The following RBP5 variants were observed in gnomAD, a reference collection of about 807,000 sequenced individuals.
RBP5 encodes the protein retinol-binding protein 5.
A neutral mutation model predicts 17.8 loss-of-function variants in RBP5; 12 were observed. The observed-to-expected ratio is 0.67, with a 90% CI of 0.43 to 1.09. The LOEUF (loss-of-function observed/expected upper bound fraction) is 1.09. RBP5 is among the 50% of genes least tolerant of loss of function. The probability of loss-of-function intolerance (pLI) is 0.00; values close to 1 mark genes in which losing one functional copy is unlikely to be tolerated. For synonymous variants in RBP5, 64 were observed against 68.1 expected, an observed-to-expected ratio of 0.94 and a Z score of 0.30; for missense variants, 172 against 169.4, an observed-to-expected ratio of 1.02 and a Z score of -0.09.
rs35155124 is a variant in RBP5 at position 7,126,988 on chromosome 12, ATTTTTT to A, written c.252+1246_252+1251del. Reference sequence around the variant, plus strand: ...GCCCGGCTAATTTTTGTACTTTTGTATTTTTTTTTTTTTTTTTTTTTGAGATAGAAT... The same window carrying A: ...GCCCGGCTAATTTTTGTACTTTTGTATTTTTTTTTTTTTTTGAGATAGAAT... On this transcript the variant is annotated intron_variant, in intron 2 of 3. Transcript: ENST00000266560. 4.6e-3 allele frequency among the ~76,000 whole-genome samples: 400 copies of A among 86,530 alleles called. 3 individuals are homozygous for A. Among genetic ancestry groups the A allele is most frequent in the African/African-American group, 0.016 (345 of 21,866 alleles). The allele number at this position is 86,530 out of a possible 152,430, so 56.8% of individuals were successfully genotyped here. A position where few individuals can be genotyped will look rare whatever the true frequency, so the allele number is the denominator to read the frequency against.
downstream of RBP5, among the ~76,000 whole-genome samples, chr12:7,121,292 C>G (rs981205492): frequency 2.0e-5 from 3 of 152,130 alleles, no homozygotes; most frequent in South Asian, 2.1e-4. Flanking sequence ...ACCAAAATGG[C>G]CATGCCTCTG....
At chr12:7,126,510 G>GGTGGTGTGTGTGTGT (rs751535528) in intron 2 of RBP5, among the ~76,000 whole-genome samples, 13 of 131,118 alleles carry the variant, frequency 9.9e-5, no homozygotes, top group African/African-American at 2.8e-4. Flanking sequence ...TGGTGGTGGT[G>GGTGGTGTGTGTGTGT]GTGTGTGTGT....
Position 7,126,558 on chromosome 12 carries a change from T to C in RBP5, c.252+1682A>G, listed in dbSNP as rs1014239255. Among the ~76,000 whole-genome samples, 5 of 144,934 alleles carry C rather than the reference T, an allele frequency of 3.4e-5. No homozygotes were observed. The East Asian group carries it at 6.0e-4, about 17-fold the overall frequency. On this transcript the variant is annotated intron_variant, in intron 2 of 3. Coordinates refer to ENST00000266560, the MANE Select transcript of RBP5 (RefSeq NM_031491.4). ...GTGTGTGTGTGTGTGTGTGTGTGTGTGCTGGGAGCCTAGAGGTAAGGAAAC... is the reference window on the plus strand; with the variant it reads ...GTGTGTGTGTGTGTGTGTGTGTGTGCGCTGGGAGCCTAGAGGTAAGGAAAC...
intron 2 of RBP5, among the ~76,000 whole-genome samples, chr12:7,126,069 CA>C (rs34064255): frequency 2.0e-4 from 28 of 139,968 alleles, no homozygotes; most frequent in Admixed American, 2.1e-4. Context: ...CCACCTCTAC[CA>C]AAAAAAAAAA....
At chr12:7,118,782 G>A (rs769101766), downstream of RBP5, 1 of 152,226 alleles carries the variant, frequency 6.6e-6, no homozygotes, top group Non-Finnish European at 1.5e-5. Flanking sequence ...AAGGCGATGG[G>A]ATATGCTCGC....
At chr12:7,115,917 C>G (rs1251330307) in exon 4 of RBP5, 1 of 152,280 alleles carries the variant, frequency 6.6e-6, no homozygotes, top group African/African-American at 2.4e-5. Context: ...ACAACCAGAT[C>G]TCATGAGAAT....
chr12:7,119,307 T>C (rs778985559), downstream of RBP5, among the ~76,000 whole-genome samples: 206 of 152,052 alleles, frequency 1.4e-3, no homozygotes, highest in African/African-American at 4.5e-3. Context: ...CGTCATCCCT[T>C]TTCTCCTGCA....
upstream of RBP5, chr12:7,129,441 C>T (rs1240563782): frequency 5.4e-6 from 1 of 185,092 alleles, no homozygotes; most frequent in Non-Finnish European, 1.0e-5. The surrounding 1 kb of genome is among the most constrained non-coding windows in gnomAD (Gnocchi z 5.5). Context: ...CCTAAAGAGC[C>T]ATTAGGAGGG....
downstream of RBP5, chr12:7,120,441 A>C (rs1939064700): frequency 6.4e-6 from 1 of 155,442 alleles, no homozygotes; most frequent in Non-Finnish European, 1.5e-5. Flanking sequence ...CTTGGCTACC[A>C]CTGTTGTTTC....
At chr12:7,119,226 G>T (rs1939046859), downstream of RBP5, among the ~76,000 whole-genome samples, 1 of 150,452 alleles carries the variant, frequency 6.6e-6, no homozygotes, top group African/African-American at 2.4e-5. Flanking sequence ...AGGGCTGGGG[G>T]GTAGGGGTGG....
Position 7,123,715 on chromosome 12 carries a change from C to T in RBP5, c.*406G>A. 1 of 170,712 alleles carries T rather than the reference C, an allele frequency of 5.9e-6. No homozygotes were observed. Among genetic ancestry groups the T allele is most frequent in the African/African-American group, 2.4e-5 (1 of 42,282 alleles). The allele number at this position is 170,712 out of a possible 1,614,324, so 10.6% of individuals were successfully genotyped here. On this transcript the variant is annotated 3_prime_UTR_variant, in exon 4 of 4. Coordinates refer to ENST00000266560, the MANE Select transcript of RBP5 (RefSeq NM_031491.4). The stretch of plus-strand genomic sequence containing the variant: ...AGTAGCCCCTGTTTAAACTCTTGAA[C>T]CCCAGTCACAGTTTTCCAGAAGTCC...
chr12:7,127,505 C>G (rs1939192209), intron 2 of RBP5: 1 of 605,704 alleles, frequency 1.7e-6, no homozygotes, highest in Admixed American at 2.8e-5. Flanking sequence ...TAAATAGTTG[C>G]TATACTGTAT....
At chr12:7,129,070 GCAGGATCCTTCCTGAGGAAGGAACCTGGA>G, upstream of RBP5, 11 of 1,240 alleles carry the variant, frequency 8.9e-3, no homozygotes, top group South Asian at 0.18. The surrounding 1 kb of genome is among the most constrained non-coding windows in gnomAD (Gnocchi z 5.5). Context: ...GGAACCTGGA[GCAGGATCCTTCCTGAGGAAGGAACCTGGA>G]GCAGGATCTG....
In RBP5 at chr12:7,125,904, C is replaced by T. The variant is rs144732739; in HGVS notation, c.253-1174G>A. Among the ~76,000 whole-genome samples, 594 of 151,830 alleles carry T rather than the reference C, an allele frequency of 3.9e-3. 2 individuals carry two copies. Among genetic ancestry groups the T allele is most frequent in the African/African-American group, 0.014 (568 of 41,402 alleles). On this transcript the variant is annotated intron_variant, in intron 2 of 3. Transcript: ENST00000266560. ...GATCACATTTATGTTTTAAGTAGAC[C>T]CTGTGGCTACAGCATGCAGATTAGA...
chr12:7,124,870 C>A lies in RBP5; in HGVS notation c.253-140G>T. The A allele has an allele frequency of 1.7e-6, 1 of 580,462 alleles. No individual in the cohort carries two copies. The highest frequency in any genetic ancestry group is 3.1e-6 in the Non-Finnish European group (1 of 321,522). 36.0% of individuals were successfully genotyped at this position (580,462 alleles called of 1,614,324 possible). The stretch of plus-strand genomic sequence containing the variant: ...GCCCCTCCACTGAGCGAGGGAGCTG[C>A]TCTGATTCAGCAGGACTCCCTTTCC... On this transcript the variant is annotated intron_variant, in intron 2 of 3. Transcript: ENST00000266560. The surrounding 1 kb of genome is among the most constrained non-coding windows in gnomAD (Gnocchi z 5.3).
At chr12:7,121,494 T>C (rs772613477), downstream of RBP5, among the ~76,000 whole-genome samples, 2 of 151,768 alleles carry the variant, frequency 1.3e-5, no homozygotes, top group East Asian at 3.9e-4. Flanking sequence ...ATGTGGGAGG[T>C]GGAGGCCGAG....
At chr12:7,126,059 C>T (rs1939154099) in intron 2 of RBP5, among the ~76,000 whole-genome samples, 1 of 112,884 alleles carries the variant, frequency 8.9e-6, no homozygotes, top group South Asian at 3.3e-4. Flanking sequence ...CAGTGAGACC[C>T]CACCTCTACC....
Position 7,124,618 on chromosome 12 carries a change from AC to A in RBP5, c.354+10del. On this transcript the variant is annotated intron_variant, in intron 3 of 3. Transcript: ENST00000266560. The surrounding 1 kb of genome is among the most constrained non-coding windows in gnomAD (Gnocchi z 5.3). ...CCCTTCTCCCAGACACCCAGCCCCCACCCCATTTACCAGATACAGCATCTCT... is the reference window on the plus strand; with the variant it reads ...CCCTTCTCCCAGACACCCAGCCCCCACCCATTTACCAGATACAGCATCTCT... The A allele has an allele frequency of 8.2e-7, 1 of 1,225,342 alleles. No homozygotes were observed. The highest frequency in any genetic ancestry group is 1.2e-6 in the Non-Finnish European group (1 of 830,572). The allele number at this position is 1,225,342 out of a possible 1,614,324, so 75.9% of individuals were successfully genotyped here. A position where few individuals can be genotyped will look rare whatever the true frequency, so the allele number is the denominator to read the frequency against.
downstream of RBP5, chr12:7,121,575 G>A (rs1939082766): frequency 6.5e-6 from 1 of 152,908 alleles, no homozygotes; most frequent in Admixed American, 6.5e-5. Context: ...GGACCCCCCA[G>A]TGGGATGGAG....
Sources: gnomAD v4.1 joint callset for allele counts (sites outside exome capture counted in the v4.1 genomes callset) on GRCh38, gnomAD v4.1.1 for gene constraint, Gnocchi (gnomAD v3.1) non-coding constraint, MANE v1.5 for transcripts, NCBI Gene and HGNC (gene_info 2026-07-23, HGNC 2026-07-21) for gene names.